The following RAB7A variants were observed in gnomAD, a reference collection of about 807,000 sequenced individuals.
The protein encoded by RAB7A is ras-related protein Rab-7a.
Under a neutral mutation model 24.5 loss-of-function variants are expected in RAB7A, and 2 were observed. The observed-to-expected ratio is 0.08, with a 90% CI of 0.03 to 0.26. The LOEUF is 0.26. RAB7A is among the 10% of genes least tolerant of loss of function. The pLI, the probability that RAB7A is intolerant of heterozygous loss-of-function variation, is 1.00. For synonymous variants in RAB7A, 100 were observed against 95.9 expected (o/e 1.04, Z -0.25); for missense variants, 118 against 255.7 (o/e 0.46, Z 3.67).
chr3:128,733,737 G>A (rs1207766173), intron 1 of RAB7A, among the ~76,000 whole-genome samples: 3 of 152,238 alleles, frequency 2.0e-5, no homozygotes, highest in East Asian at 3.9e-4. Flanking sequence ...CTTAACCTCA[G>A]TTACTTCTTT....
At chr3:128,733,730 AACCT>A (rs1341828111) in intron 1 of RAB7A, among the ~76,000 whole-genome samples, 2 of 152,216 alleles carry the variant, frequency 1.3e-5, no homozygotes, top group East Asian at 3.8e-4. Flanking sequence ...GACCTCACTT[AACCT>A]CAGTTACTTC....
intron 5 of RAB7A, among the ~76,000 whole-genome samples, chr3:128,812,232 A>C (rs1933943685): frequency 6.6e-6 from 1 of 152,232 alleles, no homozygotes; most frequent in African/African-American, 2.4e-5. Context: ...CTCCTGCCTC[A>C]GCCTCCTGAG....
At chr3:128,793,448 C>T (rs1482588940) in intron 1 of RAB7A, among the ~76,000 whole-genome samples, 1 of 148,158 alleles carries the variant, frequency 6.7e-6, no homozygotes, top group African/African-American at 2.5e-5. Context: ...GCCACCGTGC[C>T]CAGCCTTTTC....
At chr3:128,739,032 A>G (rs1444836767) in intron 1 of RAB7A, among the ~76,000 whole-genome samples, 1 of 152,184 alleles carries the variant, frequency 6.6e-6, no homozygotes, top group African/African-American at 2.4e-5. Context: ...TCTTGGACAT[A>G]CTGCTGTGGC....
intron 3 of RAB7A, among the ~76,000 whole-genome samples, chr3:128,803,875 T>C (rs1229864594): frequency 3.3e-5 from 5 of 152,238 alleles, no homozygotes; most frequent in African/African-American, 1.2e-4. Flanking sequence ...ACAGTGTTAA[T>C]TTTTGTCACA....
chr3:128,809,375 G>A (rs1933868946), intron 5 of RAB7A, among the ~76,000 whole-genome samples: 1 of 152,130 alleles, frequency 6.6e-6, no homozygotes, highest in South Asian at 2.1e-4. Flanking sequence ...CCGATCTTTG[G>A]GTGTGTAAAT....
chr3:128,763,702 T>C (rs1435758609), intron 1 of RAB7A, among the ~76,000 whole-genome samples: 2 of 152,176 alleles, frequency 1.3e-5, no homozygotes, highest in African/African-American at 4.8e-5. Context: ...TGTGGGGTAA[T>C]ACTTTGGTGC....
At chr3:128,795,750 G>GGTTTTTTTTTTTTTTT (rs1491091651) in intron 2 of RAB7A, among the ~76,000 whole-genome samples, 1 of 6,876 alleles carries the variant, frequency 1.5e-4, no homozygotes, top group Non-Finnish European at 4.1e-4. Context: ...TAGCAGATGT[G>GGTTTTTTTTTTTTTTT]CTTTTTTTTT....
intron 1 of RAB7A, among the ~76,000 whole-genome samples, chr3:128,783,648 C>T (rs575198169): frequency 6.6e-6 from 1 of 152,250 alleles, no homozygotes; most frequent in Non-Finnish European, 1.5e-5. Flanking sequence ...TTCCTGAATC[C>T]CAACTGTCTC....
chr3:128,771,308 C>T (rs1932927989), intron 1 of RAB7A, among the ~76,000 whole-genome samples: 1 of 152,156 alleles, frequency 6.6e-6, no homozygotes, highest in African/African-American at 2.4e-5. Context: ...AAAATTTCCT[C>T]AGTTTGGGGG....
chr3:128,798,134 A>G, intron 3 of RAB7A, 65 bp downstream of exon 3: 1 of 1,569,494 alleles, frequency 6.4e-7, no homozygotes, highest in East Asian at 2.3e-5. Flanking sequence ...ATCTTTCCTC[A>G]TGCATAGACA....
At chr3:128,790,987 A>G (rs1933441851) in intron 1 of RAB7A, among the ~76,000 whole-genome samples, 1 of 152,172 alleles carries the variant, frequency 6.6e-6, no homozygotes, top group South Asian at 2.1e-4. Context: ...AGGCTCCCAT[A>G]GACTGTTTAT....
At chr3:128,776,030 A>G (rs530000333) in intron 1 of RAB7A, among the ~76,000 whole-genome samples, 397 of 152,142 alleles carry the variant, frequency 2.6e-3, no homozygotes, top group African/African-American at 9.1e-3. Context: ...TCCTTTGGCC[A>G]TTGTCTCCCC....
intron 1 of RAB7A, among the ~76,000 whole-genome samples, chr3:128,735,138 T>C (rs1482579433): frequency 6.6e-6 from 1 of 152,208 alleles, no homozygotes; most frequent in African/African-American, 2.4e-5. Context: ...CAGGAATAAT[T>C]GTAAATACAG....
At chr3:128,746,767 G>GA (rs1026597609) in intron 1 of RAB7A, among the ~76,000 whole-genome samples, 1 of 149,282 alleles carries the variant, frequency 6.7e-6, no homozygotes, top group Admixed American at 6.6e-5. Flanking sequence ...TTAACCTCGT[G>GA]ATCCACCCGC....
chr3:128,806,133 A>G (rs1390787134), intron 3 of RAB7A, among the ~76,000 whole-genome samples: 1 of 152,240 alleles, frequency 6.6e-6, no homozygotes, highest in African/African-American at 2.4e-5. Flanking sequence ...AGAAATTTCT[A>G]GCACCCTGGA....
chr3:128,752,133 C>T (rs1239869197), intron 1 of RAB7A, among the ~76,000 whole-genome samples: 1 of 152,172 alleles, frequency 6.6e-6, no homozygotes, highest in Admixed American at 6.6e-5. Context: ...ACAGTGTGAC[C>T]TCCTAGCTAC....
chr3:128,739,126 A>G (rs1344402223), intron 1 of RAB7A, among the ~76,000 whole-genome samples: 2 of 152,188 alleles, frequency 1.3e-5, no homozygotes, highest in African/African-American at 4.8e-5. Flanking sequence ...AGCTTTGCCC[A>G]TTCGTTTCTG....
At chr3:128,785,787 G>T (rs1315973571) in intron 1 of RAB7A, among the ~76,000 whole-genome samples, 1 of 151,378 alleles carries the variant, frequency 6.6e-6, no homozygotes, top group Non-Finnish European at 1.5e-5. Context: ...TATTTGGTCA[G>T]CTCCTTGATG....
Sources: gnomAD v4.1 joint callset for allele counts (sites outside exome capture counted in the v4.1 genomes callset) on GRCh38, gnomAD v4.1.1 for gene constraint, MANE v1.5 for transcripts, NCBI Gene and HGNC (gene_info 2026-07-23, HGNC 2026-07-21) for gene names.